The following MOXD1 variants were observed in gnomAD, a reference collection of about 807,000 sequenced individuals.
The protein encoded by MOXD1 is monooxygenase DBH like 1.
In MOXD1, 62 loss-of-function variants were observed where a neutral mutation model predicts 66.6. The observed-to-expected ratio is 0.93, with a 90% confidence interval of 0.76 to 1.15. The LOEUF is 1.15. Ranked by LOEUF, MOXD1 falls within the 50% of genes most tolerant of loss-of-function variation. The probability of loss-of-function intolerance (pLI) is 0.00; values close to 1 mark genes in which losing one functional copy is unlikely to be tolerated. For missense variants in MOXD1, 847 were observed against 754.6 expected (o/e 1.12, Z -1.44); for synonymous variants, 303 against 281.9 (o/e 1.07, Z -0.75).
At chr6:132,370,105 GA>G (rs1242038972) in intron 4 of MOXD1, among the ~76,000 whole-genome samples, 41 of 152,144 alleles carry the variant, frequency 2.7e-4, no homozygotes, top group Non-Finnish European at 5.9e-5. Flanking sequence ...TTTGTTTGCA[GA>G]AGAAAAGGAC....
chr6:132,381,472 A>T (rs1776507249), intron 1 of MOXD1, among the ~76,000 whole-genome samples: 1 of 152,140 alleles, frequency 6.6e-6, no homozygotes, highest in South Asian at 2.1e-4. Flanking sequence ...AAAAATTGGG[A>T]TCCTAAACTT....
intron 9 of MOXD1, among the ~76,000 whole-genome samples, chr6:132,319,624 C>T (rs1225517219): frequency 6.6e-6 from 1 of 151,026 alleles, no homozygotes; most frequent in Non-Finnish European, 1.5e-5. Flanking sequence ...ATGTGTTTTG[C>T]TTCTTCACTT....
chr6:132,359,153 T>G (rs1183325730), intron 4 of MOXD1, among the ~76,000 whole-genome samples: 4 of 151,408 alleles, frequency 2.6e-5, no homozygotes, highest in Non-Finnish European at 2.9e-5. Flanking sequence ...AGGATCTTGC[T>G]CTGTCTCCCA....
At chr6:132,353,874 C>T (rs540254899) in intron 4 of MOXD1, among the ~76,000 whole-genome samples, 1,675 of 151,882 alleles carry the variant, frequency 0.011, 34 homozygotes, top group African/African-American at 0.039. Flanking sequence ...CTTATTTTTT[C>T]TTTGTCTTTG....
At chr6:132,314,281 G>A (rs1774893973) in intron 10 of MOXD1, among the ~76,000 whole-genome samples, 1 of 152,178 alleles carries the variant, frequency 6.6e-6, no homozygotes. Flanking sequence ...TAACCTGAAT[G>A]GAATGTGTCT....
chr6:132,388,585 A>G (rs1156953631), intron 1 of MOXD1, among the ~76,000 whole-genome samples: 1 of 151,334 alleles, frequency 6.6e-6, no homozygotes, highest in Non-Finnish European at 1.5e-5. Context: ...CTGCAACTAT[A>G]GCTTGAGGGC....
chr6:132,334,876 T>C (rs1340948576), intron 4 of MOXD1, among the ~76,000 whole-genome samples: 1 of 152,224 alleles, frequency 6.6e-6, no homozygotes, highest in African/African-American at 2.4e-5. Context: ...ATTCAAAGAA[T>C]CTACACTTGG....
chr6:132,301,145 A>G (rs372722783), intron 10 of MOXD1, among the ~76,000 whole-genome samples: 1 of 151,666 alleles, frequency 6.6e-6, no homozygotes, highest in South Asian at 2.1e-4. Flanking sequence ...ACATTTCTGC[A>G]TATCTTGTCA....
rs535181866 is a variant in MOXD1 at position 132,330,307 on chromosome 6, G to A, written c.664-1713C>T. Among the ~76,000 whole-genome samples, 11 of 152,286 alleles carry A rather than the reference G, an allele frequency of 7.2e-5. No homozygotes were observed. The South Asian group carries it at 2.1e-3, about 29-fold the overall frequency. On this transcript the variant is annotated intron_variant, in intron 4 of 11. Coordinates refer to ENST00000367963, the MANE Select transcript of MOXD1 (RefSeq NM_015529.4). ...CATTACCTCCTGAGATCCACCTCCTGTCAGATCAGCAGTGGCATTAGGTTC... is the reference window on the plus strand; with the variant it reads ...CATTACCTCCTGAGATCCACCTCCTATCAGATCAGCAGTGGCATTAGGTTC...
chr6:132,355,452 A>G (rs1402985191), intron 4 of MOXD1, among the ~76,000 whole-genome samples: 1 of 152,206 alleles, frequency 6.6e-6, no homozygotes, highest in Non-Finnish European at 1.5e-5. Flanking sequence ...TCCGGTATGT[A>G]GGCTGGGCCT....
chr6:132,398,491 T>A (rs1217102297), intron 1 of MOXD1, among the ~76,000 whole-genome samples: 3 of 152,178 alleles, frequency 2.0e-5, no homozygotes, highest in African/African-American at 7.2e-5. Flanking sequence ...CACCCTGGTG[T>A]AATTGTCCAA....
chr6:132,347,259 G>C (rs2114617527), intron 4 of MOXD1, among the ~76,000 whole-genome samples: 1 of 152,314 alleles, frequency 6.6e-6, no homozygotes, highest in South Asian at 2.1e-4. Flanking sequence ...CCGGGTGACT[G>C]ATTGTCTACC....
intron 1 of MOXD1, among the ~76,000 whole-genome samples, chr6:132,387,751 TAAA>T (rs56728324): frequency 1.6e-3 from 108 of 69,520 alleles, no homozygotes; most frequent in African/African-American, 4.1e-3. Context: ...AAACTCCATC[TAAA>T]AAAAAAAAAA....
rs1385753684 is a variant in MOXD1 at position 132,315,629 on chromosome 6, A to G, written c.1508+6T>C. 2 of 1,605,926 alleles carry G rather than the reference A, an allele frequency of 1.2e-6. No homozygotes were observed. Among genetic ancestry groups the G allele is most frequent in the African/African-American group, 1.3e-5 (1 of 74,462 alleles). ...TACCCCATCATAAAATACATTTACT[A>G]CTTACGTGACTGGTCTGTAGATCTC... On this transcript the variant is annotated splice_donor_region_variant and intron_variant, in intron 10 of 11. Coordinates refer to ENST00000367963, the MANE Select transcript of MOXD1 (RefSeq NM_015529.4).
intron 9 of MOXD1, among the ~76,000 whole-genome samples, chr6:132,318,378 A>G (rs890522701): frequency 2.0e-5 from 3 of 152,190 alleles, no homozygotes; most frequent in African/African-American, 7.2e-5. Flanking sequence ...AAATTTTGCC[A>G]AACTGGTTAG....
At chr6:132,297,388 C>T in intron 11 of MOXD1, 71 bp from the exon 12 acceptor site, 1 of 1,484,394 alleles carries the variant, frequency 6.7e-7, no homozygotes, top group Non-Finnish European at 9.3e-7. Context: ...GGCCGCTCAG[C>T]TGCCCACACT....
chr6:132,401,229 G>A lies in MOXD1; in HGVS notation c.198C>T (p.Pro66=). ...TGTCGGCGGACGCCATGGCCCCGGTGGGCGAGAAGCCGAAGCCCACGTAGC... is the reference window on the plus strand; with the variant it reads ...TGTCGGCGGACGCCATGGCCCCGGTAGGCGAGAAGCCGAAGCCCACGTAGC... ...TAGYVGFGFS[P]TGAMASADIV... Residue 66 remains proline, a synonymous_variant, in exon 1 of 12, where the codon CCC becomes CCT. Coordinates refer to ENST00000367963, the MANE Select transcript of MOXD1 (RefSeq NM_015529.4). 6.3e-7 allele frequency: 1 copy of A among 1,581,462 alleles called. No individual in the cohort carries two copies. The highest frequency in any genetic ancestry group is 1.1e-5 in the South Asian group (1 of 88,034).
At chr6:132,367,454 C>T (rs1294611780) in intron 4 of MOXD1, among the ~76,000 whole-genome samples, 2 of 151,914 alleles carry the variant, frequency 1.3e-5, no homozygotes, top group Non-Finnish European at 2.9e-5. Context: ...CACCATTTTC[C>T]AGAGGAGGAA....
At chr6:132,397,843 C>A (rs1400205524) in intron 1 of MOXD1, among the ~76,000 whole-genome samples, 2 of 152,178 alleles carry the variant, frequency 1.3e-5, no homozygotes, top group Admixed American at 1.3e-4. Context: ...CATCTCCTCT[C>A]TGTTGCATTA....
Sources: gnomAD v4.1 joint callset for allele counts (sites outside exome capture counted in the v4.1 genomes callset) on GRCh38, gnomAD v4.1.1 for gene constraint, MANE v1.5 for transcripts, NCBI Gene and HGNC (gene_info 2026-07-23, HGNC 2026-07-21) for gene names.